The following ARID1B variants were observed in gnomAD, a reference collection of about 807,000 sequenced individuals.
The protein encoded by ARID1B is AT-rich interaction domain 1B.
A neutral mutation model predicts 212.3 loss-of-function variants in ARID1B; 30 were observed. That is an observed-to-expected ratio of 0.14 (90% CI 0.11 to 0.19). The LOEUF (loss-of-function observed/expected upper bound fraction) is 0.19, where lower values mean the gene tolerates loss of function less well. Ranked by LOEUF, ARID1B falls within the 10% of genes least tolerant of loss-of-function variation. The pLI, the probability that ARID1B is intolerant of heterozygous loss-of-function variation, is 1.00. For missense variants in ARID1B, 2,891 were observed against 3,204.0 expected, an observed-to-expected ratio of 0.90 and a Z score of 2.36; for synonymous variants, 1,402 against 1,301.7, an observed-to-expected ratio of 1.08 and a Z score of -1.66.
chr6:156,889,536 C>T (rs1787765557), intron 2 of ARID1B, among the ~76,000 whole-genome samples: 3 of 152,172 alleles, frequency 2.0e-5, no homozygotes. Flanking sequence ...ATAAAATCTC[C>T]TCTAATTGGC....
chr6:157,164,965 T>C (rs1791220023), intron 8 of ARID1B, among the ~76,000 whole-genome samples: 1 of 152,212 alleles, frequency 6.6e-6, no homozygotes, highest in Non-Finnish European at 1.5e-5. Context: ...AGTGATTGTC[T>C]GCTAAGACAC....
intron 3 of ARID1B, among the ~76,000 whole-genome samples, chr6:156,924,358 C>G (rs1791056203): frequency 6.6e-6 from 1 of 152,154 alleles, no homozygotes; most frequent in Non-Finnish European, 1.5e-5. Flanking sequence ...CTTATTAAGT[C>G]AAGAACTTTT....
chr6:156,784,828 T>G (rs1413207098), intron 1 of ARID1B, among the ~76,000 whole-genome samples: 1 of 152,188 alleles, frequency 6.6e-6, no homozygotes, highest in Non-Finnish European at 1.5e-5. Flanking sequence ...GGCGCGATCT[T>G]GGCTCACTGT....
intron 1 of ARID1B, 113 bp downstream of exon 1, chr6:156,779,584 G>A: frequency 1.8e-6 from 2 of 1,096,216 alleles, no homozygotes; most frequent in Non-Finnish European, 2.3e-6. Context: ...GGGCGGCGGG[G>A]GCGCGGCGCC....
chr6:156,961,376 C>T (rs1794361591), intron 4 of ARID1B, among the ~76,000 whole-genome samples: 1 of 152,220 alleles, frequency 6.6e-6, no homozygotes, highest in African/African-American at 2.4e-5. Flanking sequence ...AAAATGAAAT[C>T]ACCGGTCAGG....
chr6:157,110,571 C>G lies in ARID1B; in HGVS notation c.2581+10C>G. The G allele has an allele frequency of 1.2e-6, 2 of 1,613,476 alleles. No individual in the cohort carries two copies. The highest frequency in any genetic ancestry group is 1.7e-6 in the Non-Finnish European group (2 of 1,179,374). On this transcript the variant is annotated intron_variant, in intron 6 of 19. Coordinates refer to ENST00000636930, the MANE Select transcript of ARID1B (RefSeq NM_001374828.1). ...ATGCCACAGGAAAGAGGTTCGTCTC[C>G]AGTTCATGTCTTACATGCCTATAGT... is the stretch of plus-strand genomic sequence containing the variant.
chr6:156,827,699 G>C (rs1782837750), intron 1 of ARID1B, among the ~76,000 whole-genome samples: 1 of 146,442 alleles, frequency 6.8e-6, no homozygotes. Flanking sequence ...CTGTGGTACT[G>C]TACATGCTGT....
chr6:156,835,098 G>A (rs547590518), intron 2 of ARID1B, among the ~76,000 whole-genome samples: 3 of 151,952 alleles, frequency 2.0e-5, no homozygotes, highest in Non-Finnish European at 2.9e-5. Context: ...AAAATTAGCC[G>A]GCGTGGTGGC....
chr6:156,969,079 A>T (rs570179555), intron 4 of ARID1B, among the ~76,000 whole-genome samples: 1 of 152,308 alleles, frequency 6.6e-6, no homozygotes, highest in South Asian at 2.1e-4. Context: ...GAGGCTGAGG[A>T]TTTAACTTCA....
At chr6:157,105,786 GA>G (rs1210375552) in intron 5 of ARID1B, among the ~76,000 whole-genome samples, 2 of 152,060 alleles carry the variant, frequency 1.3e-5, no homozygotes, top group Non-Finnish European at 2.9e-5. Context: ...ATTTTTAATA[GA>G]GACGGGGTTT....
Position 156,852,335 on chromosome 6 carries a change from A to G in ARID1B, c.1986+22914A>G, listed in dbSNP as rs530940202. Among the ~76,000 whole-genome samples, 19 of 152,134 alleles carry G rather than the reference A, an allele frequency of 1.2e-4. No homozygotes were observed. In the South Asian group the frequency reaches 3.7e-3, roughly 30 times the overall value. ...CGTGGTGATGTGCACCTGTAGTCTCAAGCTTGAGCGGTTGAAGTGGGAGGA... is the reference window on the plus strand; with the variant it reads ...CGTGGTGATGTGCACCTGTAGTCTCGAGCTTGAGCGGTTGAAGTGGGAGGA... On this transcript the variant is annotated intron_variant, in intron 2 of 19. Transcript: ENST00000636930.
At chr6:157,046,022 C>T (rs1052989034) in intron 4 of ARID1B, among the ~76,000 whole-genome samples, 2 of 152,050 alleles carry the variant, frequency 1.3e-5, no homozygotes, top group African/African-American at 4.8e-5. Flanking sequence ...AGAAAATTTC[C>T]CAGCCTCTGC....
At chr6:157,040,468 C>A (rs1781814239) in intron 4 of ARID1B, among the ~76,000 whole-genome samples, 1 of 152,154 alleles carries the variant, frequency 6.6e-6, no homozygotes, top group African/African-American at 2.4e-5. Flanking sequence ...CTTTAATGAT[C>A]CTTTATCTTT....
chr6:156,792,342 A>T lies in ARID1B; in HGVS notation c.1791+12871A>T, dbSNP rs1583050008. ...GCAAGGCCGGACCCAGTGGTTCAAC[A>T]CCTGTAATCCTAGCTCTTTGGGAAG... On this transcript the variant is annotated intron_variant, in intron 1 of 19. Transcript: ENST00000636930. Among the ~76,000 whole-genome samples the T allele has an allele frequency of 2.0e-5, 3 of 152,230 alleles. 1 individual carries two copies. The South Asian group carries it at 6.2e-4, about 32-fold the overall frequency.
At chr6:157,021,045 C>T (rs1324557786) in intron 4 of ARID1B, among the ~76,000 whole-genome samples, 1 of 151,950 alleles carries the variant, frequency 6.6e-6, no homozygotes, top group Non-Finnish European at 1.5e-5. Context: ...CGTCCCTGCC[C>T]GGATGCCTGC....
chr6:156,917,176 T>C (rs143291068), intron 3 of ARID1B, among the ~76,000 whole-genome samples: 6 of 152,306 alleles, frequency 3.9e-5, no homozygotes, highest in African/African-American at 1.4e-4. Context: ...AAAACCTTAG[T>C]GTAAAGCAGC....
intron 3 of ARID1B, among the ~76,000 whole-genome samples, chr6:156,905,435 A>G (rs899389761): frequency 6.6e-6 from 1 of 152,156 alleles, no homozygotes; most frequent in Non-Finnish European, 1.5e-5. Context: ...TGGTCTTTTG[A>G]TTATAGTTAG....
At chr6:157,192,739 G>A (rs1368822851) in intron 15 of ARID1B, among the ~76,000 whole-genome samples, 1 of 152,206 alleles carries the variant, frequency 6.6e-6, no homozygotes, top group Non-Finnish European at 1.5e-5. Flanking sequence ...CAGTTCACCT[G>A]CTGCCTTACG....
At chr6:157,067,260 A>T (rs917968453) in intron 4 of ARID1B, among the ~76,000 whole-genome samples, 13 of 152,242 alleles carry the variant, frequency 8.5e-5, no homozygotes, top group Middle Eastern at 3.2e-3. Context: ...GAGTGAACCA[A>T]GTTCGAGTCA....
Sources: gnomAD v4.1 joint callset for allele counts (sites outside exome capture counted in the v4.1 genomes callset) on GRCh38, gnomAD v4.1.1 for gene constraint, MANE v1.5 for transcripts, NCBI Gene and HGNC (gene_info 2026-07-23, HGNC 2026-07-21) for gene names.